Variants in KLHL13 observed in about 807,000 individuals in gnomAD.
The protein encoded by KLHL13 is kelch like family member 13, also known as kelch-like protein 13.
A neutral mutation model predicts 37.1 loss-of-function variants in KLHL13; 10 were observed. The observed-to-expected ratio is 0.27, with a 90% confidence interval of 0.17 to 0.46. The LOEUF (loss-of-function observed/expected upper bound fraction) is 0.46. Ranked by LOEUF, KLHL13 falls within the 20% of genes least tolerant of loss-of-function variation. The pLI, the probability that KLHL13 is intolerant of heterozygous loss-of-function variation, is 1.00. For missense variants in KLHL13, 360 were observed against 509.3 expected (o/e 0.71, Z 2.82); for synonymous variants, 163 against 181.2 (o/e 0.90, Z 0.81).
chrX:117,913,349 T>C (rs1239145253), intron 4 of KLHL13, among the ~76,000 whole-genome samples: 1 of 112,194 alleles, frequency 8.9e-6, no homozygotes, highest in East Asian at 2.8e-4. Context: ...ATTGGACTTA[T>C]AATGCAATTT....
At chrX:117,921,145 C>T (rs1364348500) in intron 2 of KLHL13, among the ~76,000 whole-genome samples, 3 of 111,738 alleles carry the variant, frequency 2.7e-5, no homozygotes, top group African/African-American at 6.5e-5. Flanking sequence ...TCTCAACTAA[C>T]GACAAATAGA....
At chrX:118,058,515 T>C (rs1261683260) in intron 1 of KLHL13, among the ~76,000 whole-genome samples, 2 of 111,871 alleles carry the variant, frequency 1.8e-5, no homozygotes, top group African/African-American at 6.5e-5. Flanking sequence ...AATCCTTTGC[T>C]ATCCTGATGA....
At chrX:117,902,852 G>A (rs768864150) in intron 5 of KLHL13, among the ~76,000 whole-genome samples, 4 of 110,722 alleles carry the variant, frequency 3.6e-5, no homozygotes, top group South Asian at 3.9e-4. Flanking sequence ...AATTTCTTGC[G>A]TCCCCCAACC....
chrX:118,111,454 T>C (rs1379949390), intron 1 of KLHL13, among the ~76,000 whole-genome samples: 2 of 112,882 alleles, frequency 1.8e-5, no homozygotes, highest in Admixed American at 9.3e-5. Flanking sequence ...AATTTAAAAA[T>C]TGCAAACAAA....
At chrX:117,959,685 T>C (rs773968943) in intron 1 of KLHL13, among the ~76,000 whole-genome samples, 1 of 112,159 alleles carries the variant, frequency 8.9e-6, no homozygotes, top group African/African-American at 3.2e-5. Flanking sequence ...GAGTGATTTC[T>C]AAGGTTCCTA....
At chrX:117,965,625 C>G (rs769609257) in intron 1 of KLHL13, among the ~76,000 whole-genome samples, 3 of 111,257 alleles carry the variant, frequency 2.7e-5, no homozygotes, top group Non-Finnish European at 5.7e-5. Context: ...AGACCAATAT[C>G]CCTGATGAAC....
intron 2 of KLHL13, among the ~76,000 whole-genome samples, chrX:117,927,142 C>T (rs1332324484): frequency 1.8e-5 from 2 of 109,289 alleles, no homozygotes; most frequent in Non-Finnish European, 1.9e-5. Context: ...GACCATGATC[C>T]GCCCGCCTCT....
At chrX:118,071,400 A>C (rs1041191894) in intron 1 of KLHL13, among the ~76,000 whole-genome samples, 2 of 111,494 alleles carry the variant, frequency 1.8e-5, no homozygotes. Flanking sequence ...CTATTTCTCC[A>C]CATCCTCTCC....
intron 1 of KLHL13, among the ~76,000 whole-genome samples, chrX:118,095,231 G>A (rs1258706782): frequency 1.0e-4 from 11 of 109,766 alleles, no homozygotes; most frequent in African/African-American, 2.0e-4. Flanking sequence ...AAAAGGCAGG[G>A]GTTGCAATCC....
chrX:117,924,362 T>C (rs962895272), intron 2 of KLHL13, among the ~76,000 whole-genome samples: 5 of 112,038 alleles, frequency 4.5e-5, no homozygotes, highest in Non-Finnish European at 9.4e-5. Flanking sequence ...AGGTTCATTA[T>C]CTTCCAAAAT....
chrX:117,911,210 T>C (rs773094317), intron 4 of KLHL13, among the ~76,000 whole-genome samples: 6 of 111,913 alleles, frequency 5.4e-5, no homozygotes, highest in African/African-American at 1.9e-4. Context: ...AATGTATTGT[T>C]AACCTCACAC....
chrX:117,911,880 T>C (rs185641066), intron 4 of KLHL13, among the ~76,000 whole-genome samples: 6 of 112,067 alleles, frequency 5.4e-5, no homozygotes, highest in Admixed American at 4.7e-4. Flanking sequence ...TTATTTTACT[T>C]AGTAGCTACA....
chrX:117,905,329 T>G (rs940794813), intron 5 of KLHL13, among the ~76,000 whole-genome samples: 1 of 112,155 alleles, frequency 8.9e-6, no homozygotes, highest in Non-Finnish European at 1.9e-5. Flanking sequence ...AGAAGATTGA[T>G]TTCTTATATG....
chrX:118,105,621 G>C (rs2148183108), intron 1 of KLHL13, among the ~76,000 whole-genome samples: 1 of 112,749 alleles, frequency 8.9e-6, no homozygotes, highest in East Asian at 2.8e-4. Context: ...ATTGACTCAT[G>C]TTCTCTGTTG....
chrX:117,971,315 A>G (rs1457248461), intron 1 of KLHL13, among the ~76,000 whole-genome samples: 2 of 111,249 alleles, frequency 1.8e-5, no homozygotes, highest in Non-Finnish European at 3.8e-5. Context: ...CTTTTGGTAA[A>G]TCTTTAGTCA....
intron 2 of KLHL13, among the ~76,000 whole-genome samples, chrX:117,937,448 C>A (rs1303745062): frequency 9.0e-6 from 1 of 111,652 alleles, no homozygotes; most frequent in Non-Finnish European, 1.9e-5. Context: ...GACCAATGAG[C>A]TAAGGCATGG....
At chrX:117,948,365 T>C (rs1933423976) in intron 1 of KLHL13, among the ~76,000 whole-genome samples, 1 of 112,123 alleles carries the variant, frequency 8.9e-6, no homozygotes, top group Non-Finnish European at 1.9e-5. Flanking sequence ...TAACAGAATA[T>C]CTCTGCTCTC....
At chrX:118,044,873 A>G (rs1253518381) in intron 1 of KLHL13, among the ~76,000 whole-genome samples, 2 of 112,291 alleles carry the variant, frequency 1.8e-5, no homozygotes, top group Admixed American at 9.4e-5. Context: ...CAACCAAAGC[A>G]AAAATGGACA....
chrX:118,031,470 GATATATATATAGATATATATATTTAGAT>G (rs1569297233), intron 1 of KLHL13, among the ~76,000 whole-genome samples: 1 of 86,050 alleles, frequency 1.2e-5, no homozygotes, highest in African/African-American at 5.5e-5. Context: ...TATATATTTA[GATATATATATAGATATATATATTTAGAT>G]ATATATATAT....
Sources: allele counts gnomAD v4.1 joint callset (sites outside exome capture counted in the v4.1 genomes callset), GRCh38; gene constraint gnomAD v4.1.1; transcripts MANE v1.5; gene names NCBI Gene and HGNC (gene_info 2026-07-23, HGNC 2026-07-21).